HORMAD2: variants seen among roughly 807,000 people sequenced by gnomAD.
HORMAD2 encodes HORMA domain containing 2.
A neutral mutation model predicts 38.8 loss-of-function variants in HORMAD2; 45 were observed. That is an observed-to-expected ratio of 1.16 (90% CI 0.91 to 1.49). The LOEUF (loss-of-function observed/expected upper bound fraction) is 1.49. Among genes scored for constraint, HORMAD2 ranks in the 40% most tolerant of loss-of-function variants. HORMAD2 has a pLI of 0.00. For missense variants in HORMAD2, 338 were observed against 367.0 expected (o/e 0.92, Z 0.65); for synonymous variants, 126 against 122.8 (o/e 1.03, Z -0.17).
intron 10 of HORMAD2, among the ~76,000 whole-genome samples, chr22:30,136,309 T>C (rs1363566708): frequency 6.6e-6 from 1 of 152,220 alleles, no homozygotes; most frequent in Admixed American, 6.5e-5. Context: ...TGAAATGTAA[T>C]TTATTTACCA....
chr22:30,107,973 A>G (rs1921329415), intron 5 of HORMAD2, among the ~76,000 whole-genome samples: 2 of 150,966 alleles, frequency 1.3e-5, no homozygotes, highest in African/African-American at 4.9e-5. Flanking sequence ...AGTTCAAGCA[A>G]TTCTTCTGCC....
chr22:30,136,051 C>T (rs1923629542), intron 10 of HORMAD2, among the ~76,000 whole-genome samples: 1 of 152,184 alleles, frequency 6.6e-6, no homozygotes, highest in South Asian at 2.1e-4. Flanking sequence ...ACAATGATAG[C>T]CTATGTTTAC....
upstream of HORMAD2, among the ~76,000 whole-genome samples, chr22:30,079,174 T>G (rs2068427604): frequency 6.6e-6 from 1 of 152,086 alleles, no homozygotes; most frequent in Non-Finnish European, 1.5e-5. Flanking sequence ...TGGCTCACTC[T>G]TTCATCTACT....
the HORMAD2 span, among the ~76,000 whole-genome samples, chr22:30,198,696 C>A: frequency 5.9e-5 from 9 of 152,192 alleles, no homozygotes; most frequent in Non-Finnish European, 1.0e-4. Context: ...TGGTCCTCAT[C>A]CTCGCTTCAC....
intron 2 of HORMAD2, among the ~76,000 whole-genome samples, chr22:30,098,161 T>C (rs1024993057): frequency 6.6e-6 from 1 of 152,096 alleles, no homozygotes; most frequent in Non-Finnish European, 1.5e-5. Context: ...AATATAGAAC[T>C]GGGACTCAGA....
At chr22:30,117,856 A>C (rs541054903) in intron 7 of HORMAD2, among the ~76,000 whole-genome samples, 4 of 152,314 alleles carry the variant, frequency 2.6e-5, no homozygotes, top group Non-Finnish European at 4.4e-5. Context: ...TCTTATGAGG[A>C]AATTTGTCCC....
At chr22:30,078,196 A>G (rs575089484), upstream of HORMAD2, among the ~76,000 whole-genome samples, 1 of 152,374 alleles carries the variant, frequency 6.6e-6, no homozygotes, top group East Asian at 1.9e-4. Context: ...TTGAGTGCCT[A>G]CTGTGTGTGC....
At chr22:30,141,869 A>G (rs903865594) in intron 10 of HORMAD2, among the ~76,000 whole-genome samples, 5 of 152,198 alleles carry the variant, frequency 3.3e-5, no homozygotes, top group African/African-American at 1.2e-4. Context: ...TGCTGAGATT[A>G]CAAGTGTGAG....
intron 5 of HORMAD2, among the ~76,000 whole-genome samples, chr22:30,108,096 G>T (rs1045428443): frequency 6.6e-6 from 1 of 151,730 alleles, no homozygotes; most frequent in Non-Finnish European, 1.5e-5. Flanking sequence ...TACTTATTTT[G>T]TACTTTATAT....
intron 7 of HORMAD2, among the ~76,000 whole-genome samples, chr22:30,117,665 C>T (rs1463055452): frequency 6.6e-6 from 1 of 151,942 alleles, no homozygotes. Context: ...CACACCACCA[C>T]GCCCGGCTAA....
At chr22:30,166,909 G>A (rs1401603746) in intron 10 of HORMAD2, among the ~76,000 whole-genome samples, 1 of 152,222 alleles carries the variant, frequency 6.6e-6, no homozygotes, top group East Asian at 1.9e-4. Context: ...AAATAGAGAA[G>A]AGGGAAAAGA....
At chr22:30,189,102 C>CA in the HORMAD2 span, among the ~76,000 whole-genome samples, 656 of 108,790 alleles carry the variant, frequency 6.0e-3, 5 homozygotes, top group Middle Eastern at 4.6e-3. Context: ...GAGCCTGCCT[C>CA]AAAAAAAAAA....
chr22:30,118,490 A>G (rs184385968), intron 7 of HORMAD2, among the ~76,000 whole-genome samples: 139 of 152,328 alleles, frequency 9.1e-4, no homozygotes, highest in South Asian at 2.7e-3. Flanking sequence ...TCTTGTTCAC[A>G]GCACTTACAC....
At chr22:30,127,284 C>T (rs1398365025) in intron 10 of HORMAD2, among the ~76,000 whole-genome samples, 1 of 145,116 alleles carries the variant, frequency 6.9e-6, no homozygotes, top group African/African-American at 2.6e-5. Flanking sequence ...TCTCAGCTCA[C>T]TGCAACCTCT....
the HORMAD2 span, among the ~76,000 whole-genome samples, chr22:30,203,905 C>T: frequency 6.6e-6 from 1 of 152,232 alleles, no homozygotes; most frequent in Non-Finnish European, 1.5e-5. Flanking sequence ...CGTTTACCCT[C>T]ATACACAAGC....
intron 3 of HORMAD2, among the ~76,000 whole-genome samples, chr22:30,100,111 GA>G (rs1473496069): frequency 1.0e-5 from 1 of 95,726 alleles, no homozygotes; most frequent in Non-Finnish European, 2.6e-5. Flanking sequence ...AACCAAAAAG[GA>G]GCCCATATAG....
chr22:30,082,069 T>G (rs2068489055), intron 1 of HORMAD2, among the ~76,000 whole-genome samples: 1 of 152,340 alleles, frequency 6.6e-6, no homozygotes, highest in East Asian at 1.9e-4. Context: ...GAATTGGATC[T>G]TCTTTAAATC....
chr22:30,172,907 C>G (rs1230989913), intron 10 of HORMAD2, among the ~76,000 whole-genome samples: 1 of 151,558 alleles, frequency 6.6e-6, no homozygotes, highest in Non-Finnish European at 1.5e-5. Flanking sequence ...AAAAATGGCC[C>G]AAACCTCAAG....
intron 10 of HORMAD2, among the ~76,000 whole-genome samples, chr22:30,144,168 T>G (rs977431729): frequency 2.0e-5 from 3 of 152,222 alleles, no homozygotes; most frequent in African/African-American, 7.2e-5. Context: ...CACAACTAAT[T>G]GCTGGTGATT....
Sources: gnomAD v4.1 joint callset for allele counts (sites outside exome capture counted in the v4.1 genomes callset) on GRCh38, gnomAD v4.1.1 for gene constraint, MANE v1.5 for transcripts, NCBI Gene and HGNC (gene_info 2026-07-23, HGNC 2026-07-21) for gene names.